Variants in ZNF808 observed in about 807,000 individuals in gnomAD.
ZNF808 encodes the protein zinc finger protein 808.
ZNF808 carries 5 observed loss-of-function variants against 8.7 expected under a neutral mutation model. That is an observed-to-expected ratio of 0.58 (90% CI 0.30 to 1.21). ZNF808 has a LOEUF of 1.21. ZNF808 is among the 50% of genes most tolerant of loss of function. The pLI is 0.07. For missense variants in ZNF808, 1,103 were observed against 1,098.4 expected (o/e 1.00, Z -0.06); for synonymous variants, 380 against 366.0 (o/e 1.04, Z -0.44).
In ZNF808 at chr19:52,554,483, C is replaced by T. The variant is rs141948878; in HGVS notation, c.1567C>T (p.Arg523Trp). 5.4e-5 allele frequency: 87 copies of T among 1,613,914 alleles called. No individual in the cohort carries two copies. Among genetic ancestry groups the T allele is most frequent in the African/African-American group, 3.6e-4 (27 of 74,952 alleles). Reference protein sequence around the residue: ...CNQCGNTFRHRASLVYHRRLH... With the variant: ...CNQCGNTFRHWASLVYHRRLH... ...TCAGTGTGGCAATACCTTCCGTCAC[C>T]GGGCATCCCTTGTATACCATCGTAG... Residue 523 changes from arginine (R) to tryptophan (W), a missense_variant, in exon 5 of 5, where the codon CGG becomes TGG. Coordinates refer to ENST00000359798, the MANE Select transcript of ZNF808 (RefSeq NM_001039886.4).
downstream of ZNF808, among the ~76,000 whole-genome samples, chr19:52,558,017 C>CTTTTTTTTT (rs66789100): frequency 9.7e-4 from 45 of 46,360 alleles, 2 homozygotes; most frequent in African/African-American, 2.7e-3. Flanking sequence ...CTAGGTGTGG[C>CTTTTTTTTT]TTTTTTTTTT....
chr19:52,539,641 C>T (rs1441154132), intron 2 of ZNF808, among the ~76,000 whole-genome samples: 2 of 132,872 alleles, frequency 1.5e-5, no homozygotes, highest in African/African-American at 5.8e-5. Context: ...GCAACCTTTG[C>T]CTCTGGGGTT....
chr19:52,541,898 T>G (rs2123123170), intron 2 of ZNF808, among the ~76,000 whole-genome samples: 1 of 152,286 alleles, frequency 6.6e-6, no homozygotes, highest in South Asian at 2.1e-4. Context: ...AGTGGCTTTC[T>G]AAACCCCCAA....
chr19:52,552,989 T>C (rs2059792404), intron 4 of ZNF808, 118 bp from the exon 5 acceptor site: 5 of 1,381,850 alleles, frequency 3.6e-6, no homozygotes, highest in Non-Finnish European at 4.8e-6. Flanking sequence ...TCCTAAACTT[T>C]GAATATCATG....
Position 52,553,532 on chromosome 19 carries a change from A to G in ZNF808, c.616A>G (p.Asn206Asp), listed in dbSNP as rs2059799259. The G allele has an allele frequency of 1.2e-6, 2 of 1,614,176 alleles. No homozygotes were observed. The highest frequency in any genetic ancestry group is 2.7e-5 in the African/African-American group (2 of 75,048). Residue 206 changes from asparagine (N) to aspartate (D), a missense_variant, in exon 5 of 5, where the codon AAT becomes GAT. Coordinates refer to ENST00000359798, the MANE Select transcript of ZNF808 (RefSeq NM_001039886.4). ...ISCRPQIHIS[N>D]NYGNNPLNSS... The stretch of plus-strand genomic sequence containing the variant: ...CTGTAGGCCCCAAATCCATATTTCT[A>G]ATAACTATGGGAATAATCCCCTGAA...
intron 3 of ZNF808, among the ~76,000 whole-genome samples, chr19:52,561,792 C>T (rs1375149600): frequency 6.6e-6 from 1 of 152,070 alleles, no homozygotes; most frequent in Non-Finnish European, 1.5e-5. Flanking sequence ...GGAGATCCAC[C>T]CGCCTCGGTC....
intron 2 of ZNF808, 83 bp from the exon 3 acceptor site, chr19:52,543,183 G>C (rs568748549): frequency 7.0e-7 from 1 of 1,431,832 alleles, no homozygotes; most frequent in East Asian, 2.3e-5. Flanking sequence ...TCTACAGGGT[G>C]ACATCTCCCG....
Position 52,553,109 on chromosome 19 carries a change from A to C in ZNF808, c.193A>C (p.Ile65Leu). 1 of 1,544,064 alleles carries C rather than the reference A, an allele frequency of 6.5e-7. No homozygotes were observed. Among genetic ancestry groups the C allele is most frequent in the Middle Eastern group, 1.7e-4 (1 of 5,740 alleles). Reference sequence around the variant, plus strand: ...GTATTGGTGTTTATATTTTGTAGATATCTCTTCCAAACACATGATGAAGGA... The same window carrying C: ...GTATTGGTGTTTATATTTTGTAGATCTCTCTTCCAAACACATGATGAAGGA... ...ENYRNLEAVD[I>L]SSKHMMKEVL... Residue 65 changes from isoleucine to leucine, a missense_variant and splice_region_variant, in exon 5 of 5, where the codon ATC becomes CTC. Coordinates refer to ENST00000359798, the MANE Select transcript of ZNF808 (RefSeq NM_001039886.4).
intron 4 of ZNF808, among the ~76,000 whole-genome samples, 184 bp from the exon 5 acceptor site, chr19:52,552,923 A>T (rs1160773474): frequency 6.6e-6 from 1 of 152,148 alleles, no homozygotes; most frequent in Non-Finnish European, 1.5e-5. Flanking sequence ...CATAGAATTG[A>T]TTTGAAGGAC....
At position 52,556,091 on chromosome 19, in the gene ZNF808, T is replaced by C; in HGVS notation, c.*463T>C. 1 of 425,158 alleles carries C rather than the reference T, an allele frequency of 2.4e-6. No individual in the cohort carries two copies. Among genetic ancestry groups the C allele is most frequent in the Non-Finnish European group, 4.7e-6 (1 of 211,660 alleles). The allele number at this position is 425,158 out of a possible 1,614,324, so 26.3% of individuals were successfully genotyped here. A position where few individuals can be genotyped will look rare whatever the true frequency, so the allele number is the denominator to read the frequency against. On this transcript the variant is annotated 3_prime_UTR_variant, in exon 5 of 5. Transcript: ENST00000359798. Reference sequence around the variant, plus strand: ...CATCAAGCATTAATTGACATTGGAGTCAATTCAGCATTGACTTGAGTTTGT... The same window carrying C: ...CATCAAGCATTAATTGACATTGGAGCCAATTCAGCATTGACTTGAGTTTGT...
At chr19:52,541,887 G>A (rs990119360) in intron 2 of ZNF808, among the ~76,000 whole-genome samples, 13 of 152,034 alleles carry the variant, frequency 8.6e-5, no homozygotes, top group African/African-American at 3.1e-4. Flanking sequence ...AGGTGTCCAC[G>A]AGTGGCTTTC....
chr19:52,536,670 T>A (rs537437857), intron 2 of ZNF808, among the ~76,000 whole-genome samples: 41 of 151,968 alleles, frequency 2.7e-4, no homozygotes, highest in South Asian at 1.9e-3. Context: ...GCGATGCGGG[T>A]GTCTTACCCC....
rs772537507 is a variant in ZNF808 at position 52,554,413 on chromosome 19, A to G, written c.1497A>G (p.Leu499=). The G allele has an allele frequency of 1.0e-4, 164 of 1,613,982 alleles. No homozygotes were observed. Among genetic ancestry groups the G allele is most frequent in the Middle Eastern group, 4.9e-4 (3 of 6,082 alleles). The part of the protein sequence containing the change: ...RKTFSRRSSL[L]CHRRLHSGEK... ...CCTTCAGCCGCAGGTCATCCCTTCT[A>G]TGCCATCGTAGACTTCATAGTGGTG... Residue 499 remains leucine, a synonymous_variant, in exon 5 of 5, where the codon CTA becomes CTG. Coordinates refer to ENST00000359798, the MANE Select transcript of ZNF808 (RefSeq NM_001039886.4).
chr19:52,542,307 C>T (rs2123125261), intron 2 of ZNF808, among the ~76,000 whole-genome samples: 1 of 152,138 alleles, frequency 6.6e-6, no homozygotes, highest in Non-Finnish European at 1.5e-5. Context: ...GGTCTGTGCC[C>T]CCAGGACCTC....
intron 2 of ZNF808, among the ~76,000 whole-genome samples, chr19:52,542,957 T>TG (rs1568483309): frequency 2.2e-4 from 27 of 121,362 alleles, no homozygotes; most frequent in African/African-American, 1.0e-3. Flanking sequence ...GATCTTTTTT[T>TG]TGGGGGGGGG....
chr19:52,562,122 A>T (rs565312312), intron 3 of ZNF808, among the ~76,000 whole-genome samples: 1 of 152,284 alleles, frequency 6.6e-6, no homozygotes, highest in Non-Finnish European at 1.5e-5. Flanking sequence ...CCAGTCAGGT[A>T]ATCTCAGCAC....
chr19:52,558,895 G>T (rs1290269200), downstream of ZNF808, among the ~76,000 whole-genome samples: 1 of 152,206 alleles, frequency 6.6e-6, no homozygotes, highest in Admixed American at 6.5e-5. Flanking sequence ...GGCTGTTCAG[G>T]ATGTGCTTTG....
chr19:52,543,220 G>T, intron 2 of ZNF808, 46 bp from the exon 3 acceptor site: 1 of 1,595,086 alleles, frequency 6.3e-7, no homozygotes, highest in Non-Finnish European at 8.6e-7. Context: ...CACAGGAAGG[G>T]AGTGAGTCAT....
At position 52,553,530 on chromosome 19, in the gene ZNF808, C is replaced by CTAA. The variant is rs2059799229; in HGVS notation, c.618_620dup (p.Asn207dup). 3.1e-6 allele frequency: 5 copies of CTAA among 1,614,174 alleles called. No individual in the cohort carries two copies. Among genetic ancestry groups the CTAA allele is most frequent in the Non-Finnish European group, 3.4e-6 (4 of 1,180,034 alleles). ...TCCTGTAGGCCCCAAATCCATATTT[C>CTAA]TAATAACTATGGGAATAATCCCCTG... is the stretch of plus-strand genomic sequence containing the variant. On this transcript the variant is annotated inframe_insertion, in exon 5 of 5. Coordinates refer to ENST00000359798, the MANE Select transcript of ZNF808 (RefSeq NM_001039886.4).
Sources: gnomAD v4.1 joint callset for allele counts (sites outside exome capture counted in the v4.1 genomes callset) on GRCh38, gnomAD v4.1.1 for gene constraint, MANE v1.5 for transcripts, NCBI Gene and HGNC (gene_info 2026-07-23, HGNC 2026-07-21) for gene names.